PCDHA2: variants seen among roughly 807,000 people sequenced by gnomAD.
PCDHA2 encodes protocadherin alpha-2.
A neutral mutation model predicts 66.0 loss-of-function variants in PCDHA2; 58 were observed. That is an observed-to-expected ratio of 0.88 (90% confidence interval 0.71 to 1.09). PCDHA2 has a LOEUF of 1.09. Among genes scored for constraint, PCDHA2 ranks in the 50% least tolerant of loss-of-function variants. The probability of loss-of-function intolerance (pLI) is 0.00; values close to 1 mark genes in which losing one functional copy is unlikely to be tolerated. For synonymous variants in PCDHA2, 634 were observed against 554.0 expected, an observed-to-expected ratio of 1.14 and a Z score of -2.03; for missense variants, 1,267 against 1,242.3, an observed-to-expected ratio of 1.02 and a Z score of -0.30.
At chr5:140,885,203 C>A (rs1348633653) in intron 1 of PCDHA2, among the ~76,000 whole-genome samples, 2 of 151,986 alleles carry the variant, frequency 1.3e-5, no homozygotes, top group African/African-American at 2.4e-5. Flanking sequence ...TCTCATATAT[C>A]CCATGAAAAA....
In PCDHA2 at chr5:140,858,203, C is replaced by T. The variant is rs781959847; in HGVS notation, c.2388+60851C>T. On this transcript the variant is annotated intron_variant, in intron 1 of 3. Coordinates refer to ENST00000526136, the MANE Select transcript of PCDHA2 (RefSeq NM_018905.3). The stretch of plus-strand genomic sequence containing the variant: ...GCTCACGCTGCTGCTGTACACTGCA[C>T]TGAGGTGCTCGGCGGCGCCCACCGA... The T allele has an allele frequency of 3.7e-5, 59 of 1,595,952 alleles. 8 individuals are homozygous for T. Among genetic ancestry groups the T allele is most frequent in the Non-Finnish European group, 4.8e-5 (56 of 1,166,554 alleles).
At chr5:140,958,104 T>C (rs1554223331) in intron 1 of PCDHA2, among the ~76,000 whole-genome samples, 1 of 151,916 alleles carries the variant, frequency 6.6e-6, no homozygotes, top group Admixed American at 6.6e-5. Flanking sequence ...GTGTGTAGAG[T>C]GTGGTTCCAT....
intron 1 of PCDHA2, chr5:140,803,327 G>A (rs1554122720): frequency 6.2e-7 from 1 of 1,614,186 alleles, no homozygotes; most frequent in Non-Finnish European, 8.5e-7. Context: ...TGTCCAGTCT[G>A]TTGGTGCTCA....
At chr5:140,909,523 C>G (rs1265179214) in intron 1 of PCDHA2, among the ~76,000 whole-genome samples, 1 of 152,172 alleles carries the variant, frequency 6.6e-6, no homozygotes, top group Non-Finnish European at 1.5e-5. Context: ...AACCCCTGCA[C>G]ATTTTGAGTC....
intron 1 of PCDHA2, chr5:140,850,153 T>A: frequency 1.3e-6 from 2 of 1,595,316 alleles, no homozygotes; most frequent in Non-Finnish European, 1.7e-6. Context: ...ACGCTGCAGG[T>A]GTTCGTGCTG....
chr5:140,925,596 T>G (rs1218423622), intron 1 of PCDHA2, among the ~76,000 whole-genome samples: 1 of 151,466 alleles, frequency 6.6e-6, no homozygotes, highest in Admixed American at 6.6e-5. Context: ...TGTATACATA[T>G]GTAACAAACC....
At chr5:140,844,853 C>T (rs1215427504) in intron 1 of PCDHA2, among the ~76,000 whole-genome samples, 1 of 149,202 alleles carries the variant, frequency 6.7e-6, no homozygotes, top group Admixed American at 6.7e-5. Flanking sequence ...ACTGTTGGAC[C>T]TGCCTGGATA....
chr5:140,887,317 C>T lies in PCDHA2; in HGVS notation c.2388+89965C>T, dbSNP rs10066665. ...TTCATCTTGTTAGCCAGGATAGTCT[C>T]GAACTCCTGACCTCGTGATCCACCT... On this transcript the variant is annotated intron_variant, in intron 1 of 3. Transcript: ENST00000526136. Among the ~76,000 whole-genome samples the T allele has an allele frequency of 7.3e-3, 1,116 of 152,162 alleles. 15 individuals carry two copies. The highest frequency in any genetic ancestry group is 0.025 in the African/African-American group (1,043 of 41,520).
intron 1 of PCDHA2, among the ~76,000 whole-genome samples, chr5:140,941,953 C>A (rs1166757165): frequency 6.6e-6 from 1 of 152,054 alleles, no homozygotes; most frequent in Non-Finnish European, 1.5e-5. Flanking sequence ...GTTTTGAAAA[C>A]AATAGTATCT....
chr5:140,802,676 G>T, intron 1 of PCDHA2: 1 of 1,613,378 alleles, frequency 6.2e-7, no homozygotes, highest in Non-Finnish European at 8.5e-7. Context: ...TGTCCTACTC[G>T]CTGGTGGAAC....
At chr5:140,850,679 C>A in intron 1 of PCDHA2, 1 of 1,598,496 alleles carries the variant, frequency 6.3e-7, no homozygotes, top group Non-Finnish European at 8.6e-7. Flanking sequence ...CGATGCCCAC[C>A]GAGGGCGAGT....
chr5:140,869,719 C>T, intron 1 of PCDHA2: 1 of 1,613,314 alleles, frequency 6.2e-7, no homozygotes, highest in Admixed American at 1.7e-5. Flanking sequence ...AGAGAAAACT[C>T]CGGAACTTAA....
At chr5:140,968,494 C>T in intron 1 of PCDHA2, 1 of 1,614,096 alleles carries the variant, frequency 6.2e-7, no homozygotes, top group Non-Finnish European at 8.5e-7. Flanking sequence ...ATGACCATGC[C>T]CCTCACATTC....
At position 140,849,758 on chromosome 5, in the gene PCDHA2, C is replaced by G. The variant is rs150560525; in HGVS notation, c.2388+52406C>G. ...TGGACCGCGAGAGTGTGTCCGCCTA[C>G]GAGCTGGTGGTTACCGCGCGGGACG... On this transcript the variant is annotated intron_variant, in intron 1 of 3. Transcript: ENST00000526136. 7 of 1,598,378 alleles carry G rather than the reference C, an allele frequency of 4.4e-6. No homozygotes were observed. In the African/African-American group the frequency reaches 5.4e-5, roughly 12 times the overall value.
Position 140,835,938 on chromosome 5 carries a change from G to C in PCDHA2, c.2388+38586G>C, listed in dbSNP as rs1298713019. The C allele has an allele frequency of 3.7e-6, 6 of 1,612,516 alleles. No individual in the cohort carries two copies. The South Asian group carries it at 6.6e-5, about 18-fold the overall frequency. On this transcript the variant is annotated intron_variant, in intron 1 of 3. Coordinates refer to ENST00000526136, the MANE Select transcript of PCDHA2 (RefSeq NM_018905.3). The stretch of plus-strand genomic sequence containing the variant: ...GCACGCGGAGAGCGGCAAGGTGTAC[G>C]CGCTGCAGCCGTTGGACCACGAGGA...
intron 1 of PCDHA2, chr5:140,927,930 G>A (rs782236455): frequency 1.9e-5 from 30 of 1,614,062 alleles, no homozygotes; most frequent in Admixed American, 5.0e-5. Flanking sequence ...TGACTCTTTC[G>A]AACCCAGTAC....
chr5:140,996,164 T>C (rs934521653), intron 3 of PCDHA2, among the ~76,000 whole-genome samples: 2 of 152,246 alleles, frequency 1.3e-5, no homozygotes, highest in African/African-American at 4.8e-5. Context: ...TATACTGCAA[T>C]GTGCTGACAG....
chr5:140,808,420 T>A (rs782362882), intron 1 of PCDHA2: 1 of 1,614,026 alleles, frequency 6.2e-7, no homozygotes, highest in African/African-American at 1.3e-5. Context: ...TGCTGGACAG[T>A]GCCCTGGACC....
chr5:140,904,797 C>T (rs2071388214), intron 1 of PCDHA2, among the ~76,000 whole-genome samples: 1 of 152,022 alleles, frequency 6.6e-6, no homozygotes, highest in East Asian at 1.9e-4. Context: ...TTTGCATTTT[C>T]CTGATAATTA....
Sources: gnomAD v4.1 joint callset for allele counts (sites outside exome capture counted in the v4.1 genomes callset) on GRCh38, gnomAD v4.1.1 for gene constraint, MANE v1.5 for transcripts, NCBI Gene and HGNC (gene_info 2026-07-23, HGNC 2026-07-21) for gene names.